FEZ1: variants seen among roughly 807,000 people sequenced by gnomAD.
The protein encoded by FEZ1 is fasciculation and elongation protein zeta-1.
A neutral mutation model predicts 49.3 loss-of-function variants in FEZ1; 20 were observed. That is an observed-to-expected ratio of 0.41 (90% CI 0.29 to 0.59). The LOEUF (loss-of-function observed/expected upper bound fraction) is 0.59, where lower values mean the gene tolerates loss of function less well. Ranked by LOEUF, FEZ1 falls within the 20% of genes least tolerant of loss-of-function variation. FEZ1 has a pLI of 0.36. For missense variants in FEZ1, 413 were observed against 476.0 expected, an observed-to-expected ratio of 0.87 and a Z score of 1.23; for synonymous variants, 170 against 180.9, an observed-to-expected ratio of 0.94 and a Z score of 0.48.
In FEZ1 at chr11:125,456,101, T is replaced by C. The variant is rs1007814682; in HGVS notation, c.673A>G (p.Arg225Gly). Residue 225 changes from arginine to glycine, a missense_variant, in exon 6 of 10, where the codon AGG (arginine) becomes GGG (glycine). Arg to Gly is a moderately radical substitution (Grantham distance 125). Transcript: ENST00000278919. ...FNNNWSYEGL[R>G]HMSGSELTEL... ...GTCAGCTCAGACCCAGACATGTGCC[T>C]CAGCCCTGCAGGGGAAGACCGTCTC... 1 of 1,590,258 alleles carries C rather than the reference T, an allele frequency of 6.3e-7. No homozygotes were observed. The highest frequency in any genetic ancestry group is 1.4e-5 in the African/African-American group (1 of 73,244).
chr11:125,454,204 T>C lies in FEZ1; in HGVS notation c.946A>G (p.Ser316Gly), dbSNP rs1219596442. The C allele has an allele frequency of 6.2e-7, 1 of 1,613,356 alleles. No individual in the cohort carries two copies. Residue 316 changes from serine to glycine, a missense_variant, in exon 7 of 10, where the codon AGC (serine) becomes GGC (glycine). Ser to Gly is a moderately conservative substitution (Grantham distance 56). Coordinates refer to ENST00000278919, the MANE Select transcript of FEZ1 (RefSeq NM_005103.5). Reference sequence around the variant, plus strand: ...AGAATGTTGGAGATGCCTTCCATGCTGAAGCGCTGTGGGGGAGAGAGACTC... The same window carrying C: ...AGAATGTTGGAGATGCCTTCCATGCCGAAGCGCTGTGGGGGAGAGAGACTC... The part of the protein sequence containing the change: ...KGNQMPLKRF[S>G]MEGISNILQS...
At position 125,446,080 on chromosome 11, in the gene FEZ1, C is replaced by A; in HGVS notation, c.*15G>T. The A allele has an allele frequency of 2.5e-6, 4 of 1,613,772 alleles. No individual in the cohort carries two copies. The highest frequency in any genetic ancestry group is 3.4e-6 in the Non-Finnish European group (4 of 1,179,680). ...TCAGTGACCTCCTGCAGCGAGGCTG[C>A]TCCAAAGGGCAAGGTTAGGTAGGGC... On this transcript the variant is annotated 3_prime_UTR_variant, in exon 10 of 10. Transcript: ENST00000278919.
intron 4 of FEZ1, chr11:125,463,180 C>T (rs531518591): frequency 5.3e-6 from 1 of 188,262 alleles, no homozygotes; most frequent in South Asian, 1.1e-4. Context: ...GTGGTGCATG[C>T]CTGTAGTCCC....
At chr11:125,456,747 T>C (rs911389687) in intron 5 of FEZ1, among the ~76,000 whole-genome samples, 14 of 152,212 alleles carry the variant, frequency 9.2e-5, no homozygotes, top group African/African-American at 2.9e-4. Flanking sequence ...TCATGGGAAA[T>C]ATATAACTTT....
intron 6 of FEZ1, 124 bp from the exon 7 acceptor site, chr11:125,454,334 T>C (rs1956986774): frequency 9.8e-6 from 6 of 611,276 alleles, no homozygotes; most frequent in Non-Finnish European, 1.7e-5. Context: ...AGACAGTAAG[T>C]GTAAGACACT....
chr11:125,485,722 G>C (rs1396868379), intron 2 of FEZ1, among the ~76,000 whole-genome samples: 1 of 151,122 alleles, frequency 6.6e-6, no homozygotes, highest in African/African-American at 2.4e-5. Flanking sequence ...GATTGCCTGA[G>C]CTCAGGAGTT....
intron 2 of FEZ1, chr11:125,488,766 A>G (rs923794133): frequency 1.0e-6 from 1 of 985,212 alleles, no homozygotes; most frequent in African/African-American, 1.7e-5. Flanking sequence ...TGCCTAAGAC[A>G]TCCTTCTTTA....
intron 4 of FEZ1, among the ~76,000 whole-genome samples, chr11:125,463,093 A>C (rs1403784045): frequency 2.0e-5 from 3 of 151,762 alleles, no homozygotes; most frequent in African/African-American, 7.3e-5. Context: ...TGAGGTTAGG[A>C]GTTTGAGACC....
At chr11:125,493,026 C>CAT (rs1343418628) in intron 1 of FEZ1, among the ~76,000 whole-genome samples, 4 of 147,658 alleles carry the variant, frequency 2.7e-5, no homozygotes, top group Non-Finnish European at 6.0e-5. Context: ...AGCTAACTTA[C>CAT]ATAGAAATGT....
At position 125,489,941 on chromosome 11, in the gene FEZ1, T is replaced by C. The variant is rs114171362; in HGVS notation, c.-45-119A>G. 5,605 of 877,574 alleles carry C rather than the reference T, an allele frequency of 6.4e-3. 60 individuals carry two copies. The highest frequency in any genetic ancestry group is 0.033 in the African/African-American group (1,929 of 57,830). 54.4% of individuals were successfully genotyped at this position (877,574 alleles called of 1,614,324 possible). On this transcript the variant is annotated intron_variant, in intron 1 of 9. Coordinates refer to ENST00000278919, the MANE Select transcript of FEZ1 (RefSeq NM_005103.5). This position sits in a 1 kb window ranked among gnomAD's most constrained non-coding sequence, Gnocchi z 4.2. ...TCCAAAAAACAAGGCACTGGTTAAGTACGAAGCTCCTGGACAAGATCGTCT... is the reference window on the plus strand; with the variant it reads ...TCCAAAAAACAAGGCACTGGTTAAGCACGAAGCTCCTGGACAAGATCGTCT...
intron 4 of FEZ1, among the ~76,000 whole-genome samples, chr11:125,461,198 T>C (rs949497408): frequency 1.3e-4 from 19 of 151,896 alleles, no homozygotes; most frequent in Non-Finnish European, 2.4e-4. Context: ...AATAGAAGGA[T>C]AGGTGGAGTC....
chr11:125,448,893 C>T (rs886355670), intron 8 of FEZ1, among the ~76,000 whole-genome samples: 2 of 151,884 alleles, frequency 1.3e-5, no homozygotes, highest in African/African-American at 4.8e-5. Flanking sequence ...AAAAAGATAG[C>T]TGGGTGTGGT....
intron 3 of FEZ1, among the ~76,000 whole-genome samples, chr11:125,477,186 A>C (rs866352273): frequency 5.3e-4 from 81 of 152,094 alleles, no homozygotes; most frequent in Non-Finnish European, 2.2e-4. Flanking sequence ...GTGGGGATAG[A>C]CTGTACCTTC....
At chr11:125,465,151 C>G (rs755419326) in intron 3 of FEZ1, among the ~76,000 whole-genome samples, 1 of 152,084 alleles carries the variant, frequency 6.6e-6, no homozygotes, top group Non-Finnish European at 1.5e-5. Flanking sequence ...TCCTGGGAAA[C>G]AGGGTTATTT....
intron 2 of FEZ1, among the ~76,000 whole-genome samples, chr11:125,484,554 G>A (rs1350406642): frequency 1.3e-5 from 2 of 151,844 alleles, no homozygotes; most frequent in African/African-American, 4.8e-5. Flanking sequence ...TGTAATCTCA[G>A]CTACTTGGGA....
intron 2 of FEZ1, chr11:125,488,990 T>C: frequency 2.0e-6 from 2 of 985,686 alleles, no homozygotes; most frequent in African/African-American, 1.7e-5. Flanking sequence ...TGCTTTCTTA[T>C]GTGGACATAT....
In FEZ1 at chr11:125,489,323, A is replaced by ATATATATAT; in HGVS notation, c.311+143_311+144insATATATATA. On this transcript the variant is annotated intron_variant, in intron 2 of 9. Coordinates refer to ENST00000278919, the MANE Select transcript of FEZ1 (RefSeq NM_005103.5). The surrounding 1 kb of genome is among the most constrained non-coding windows in gnomAD (Gnocchi z 4.2). ...GGGACATATATAGAGCTATGACAGC[A>ATATATATAT]AGTACCAGGGCACTGCTCCGCTGGC... 5.6e-6 allele frequency: 8 copies of ATATATATAT among 1,427,740 alleles called. No individual in the cohort carries two copies. The South Asian group carries it at 1.2e-4, about 21-fold the overall frequency. The allele number at this position is 1,427,740 out of a possible 1,614,324, so 88.4% of individuals were successfully genotyped here.
At chr11:125,457,432 ATAT>A (rs1957024699) in intron 5 of FEZ1, among the ~76,000 whole-genome samples, 1 of 38,584 alleles carries the variant, frequency 2.6e-5, no homozygotes, top group African/African-American at 9.4e-5. Flanking sequence ...AAAAAAAAAT[ATAT>A]ATATATATAT....
At chr11:125,483,684 A>G (rs984713359) in intron 2 of FEZ1, among the ~76,000 whole-genome samples, 3 of 152,262 alleles carry the variant, frequency 2.0e-5, no homozygotes, top group Non-Finnish European at 4.4e-5. Context: ...GAACATGCAT[A>G]CAGGCACTGA....
Sources: gnomAD v4.1 joint callset for allele counts (sites outside exome capture counted in the v4.1 genomes callset) on GRCh38, gnomAD v4.1.1 for gene constraint, Gnocchi (gnomAD v3.1) non-coding constraint, MANE v1.5 for transcripts, NCBI Gene and HGNC (gene_info 2026-07-23, HGNC 2026-07-21) for gene names.